ECPAS: variants seen among roughly 807,000 people sequenced by gnomAD.
ECPAS encodes Ecm29 proteasome adaptor and scaffold, also known as proteasome adapter and scaffold protein ECM29.
ECPAS carries 70 observed loss-of-function variants against 255.1 expected under a neutral mutation model. The ratio of observed to expected loss-of-function variants is 0.27; its 90% CI spans 0.23 to 0.33. ECPAS has a LOEUF of 0.33. Among genes scored for constraint, ECPAS ranks in the 10% least tolerant of loss-of-function variants. The pLI is 1.00. For missense variants in ECPAS, 1,817 were observed against 2,206.4 expected (o/e 0.82, Z 3.54); for synonymous variants, 784 against 775.0 (o/e 1.01, Z -0.19).
At chr9:111,462,583 A>T (rs2098274410) in intron 2 of ECPAS, among the ~76,000 whole-genome samples, 2 of 152,154 alleles carry the variant, frequency 1.3e-5, no homozygotes, top group Admixed American at 1.3e-4. Context: ...GTATCAATGT[A>T]GTTTTTAAAA....
chr9:111,405,100 T>C (rs979071069), intron 24 of ECPAS, among the ~76,000 whole-genome samples: 2 of 149,430 alleles, frequency 1.3e-5, no homozygotes, highest in African/African-American at 5.1e-5. Flanking sequence ...CCCTGAATAA[T>C]GAGCAAGAAA....
chr9:111,378,535 T>C (rs1281687466), intron 36 of ECPAS, 45 bp downstream of exon 36: 2 of 1,572,050 alleles, frequency 1.3e-6, no homozygotes, highest in African/African-American at 2.7e-5. Context: ...TTAACAGGGC[T>C]CTTCCCTCAT....
At chr9:111,370,247 A>G (rs947134156) in intron 45 of ECPAS, among the ~76,000 whole-genome samples, 188 bp downstream of exon 45, 1 of 152,194 alleles carries the variant, frequency 6.6e-6, no homozygotes, top group Non-Finnish European at 1.5e-5. Context: ...GAATACCTGA[A>G]CACTTTGTGA....
chr9:111,435,679 CT>C lies in ECPAS; in HGVS notation c.708+1260del, dbSNP rs1163482272. 3.9e-3 allele frequency among the ~76,000 whole-genome samples: 514 copies of C among 132,556 alleles called. 1 individual carries two copies. Among genetic ancestry groups the C allele is most frequent in the Middle Eastern group, 7.5e-3 (2 of 266 alleles). The allele number at this position is 132,556 out of a possible 152,430, so 87.0% of individuals were successfully genotyped here. On this transcript the variant is annotated intron_variant, in intron 7 of 49. Coordinates refer to ENST00000684092, the MANE Select transcript of ECPAS (RefSeq NM_001364929.1). ...TCAATAAAGAGTAGCTTCAGTAAATCTTTTTTTTTTTTTTTTTTGAGATGGA... is the reference window on the plus strand; with the variant it reads ...TCAATAAAGAGTAGCTTCAGTAAATCTTTTTTTTTTTTTTTTTGAGATGGA...
intron 3 of ECPAS, among the ~76,000 whole-genome samples, chr9:111,446,678 C>T (rs981346366): frequency 1.3e-5 from 2 of 152,166 alleles, no homozygotes; most frequent in African/African-American, 4.8e-5. Flanking sequence ...TTATCTAATA[C>T]GATTCTCACA....
chr9:111,451,197 T>G (rs2098259866), intron 3 of ECPAS, among the ~76,000 whole-genome samples: 1 of 152,208 alleles, frequency 6.6e-6, no homozygotes, highest in Admixed American at 6.5e-5. Flanking sequence ...CTCAATTATA[T>G]TATCTGACAC....
intron 1 of ECPAS, among the ~76,000 whole-genome samples, chr9:111,477,149 C>T (rs1320631292): frequency 6.6e-6 from 1 of 151,404 alleles, no homozygotes; most frequent in Non-Finnish European, 1.5e-5. Context: ...AGCTCTGTCA[C>T]CCAGGCTAGA....
rs898771740 is a variant in ECPAS at position 111,420,760 on chromosome 9, A to C, written c.1456-640T>G. On this transcript the variant is annotated intron_variant, in intron 15 of 49. Transcript: ENST00000684092. Reference sequence around the variant, plus strand: ...CCCCAGGTCACTCCTCTAGCCACAAACATAAGTGAAATAAGAGAGACATTA... The same window carrying C: ...CCCCAGGTCACTCCTCTAGCCACAACCATAAGTGAAATAAGAGAGACATTA... Among the ~76,000 whole-genome samples, 17 of 152,160 alleles carry C rather than the reference A, an allele frequency of 1.1e-4. No individual in the cohort carries two copies. In the East Asian group the frequency reaches 3.1e-3, roughly 28 times the overall value.
Position 111,404,186 on chromosome 9 carries a change from A to C in ECPAS, c.2652+4385T>G, listed in dbSNP as rs1172805412. 9.3e-5 allele frequency among the ~76,000 whole-genome samples: 14 copies of C among 149,802 alleles called. No individual in the cohort carries two copies. The East Asian group carries it at 2.8e-3, about 30-fold the overall frequency. On this transcript the variant is annotated intron_variant, in intron 24 of 49. Coordinates refer to ENST00000684092, the MANE Select transcript of ECPAS (RefSeq NM_001364929.1). ...TACAAAGACTTCAAATAAACAACATAATGATGCACTTTAAAGAACTAGAAA... is the reference window on the plus strand; with the variant it reads ...TACAAAGACTTCAAATAAACAACATCATGATGCACTTTAAAGAACTAGAAA...
At chr9:111,479,268 G>C (rs1184554895) in intron 1 of ECPAS, among the ~76,000 whole-genome samples, 2 of 152,162 alleles carry the variant, frequency 1.3e-5, no homozygotes, top group Non-Finnish European at 2.9e-5. Flanking sequence ...AAAAAAGATG[G>C]AGTAATAAGT....
At chr9:111,401,837 G>A (rs958045984) in intron 24 of ECPAS, among the ~76,000 whole-genome samples, 3 of 152,154 alleles carry the variant, frequency 2.0e-5, no homozygotes, top group African/African-American at 4.8e-5. Context: ...TATTCTGCCC[G>A]ACCCTGCAGG....
At position 111,370,746 on chromosome 9, in the gene ECPAS, A is replaced by G; in HGVS notation, c.4757T>C (p.Ile1586Thr). Residue 1586 changes from isoleucine (I) to threonine (T), a missense_variant, in exon 44 of 50, where the codon ATT becomes ACT. Coordinates refer to ENST00000684092, the MANE Select transcript of ECPAS (RefSeq NM_001364929.1). ...WAGKEELLKA[I>T]ACVVTACSAE... Reference sequence around the variant, plus strand: ...CCTGCAAGCTGTCACCACACAGGCAATGGCTTTCAATAGCTCCTCCTAAGG... The same window carrying G: ...CCTGCAAGCTGTCACCACACAGGCAGTGGCTTTCAATAGCTCCTCCTAAGG... 6.2e-7 allele frequency: 1 copy of G among 1,606,288 alleles called. No individual in the cohort carries two copies. The highest frequency in any genetic ancestry group is 8.5e-7 in the Non-Finnish European group (1 of 1,176,284).
rs2098260057 is a variant in ECPAS at position 111,451,372 on chromosome 9, T to C, written c.153+53A>G. ...TGGGAACAGAAAACTCACTTGATAA[T>C]GTATATTCATTTATTCATCATTTAA... is the stretch of plus-strand genomic sequence containing the variant. On this transcript the variant is annotated intron_variant, in intron 3 of 49. Transcript: ENST00000684092. 6 of 1,505,204 alleles carry C rather than the reference T, an allele frequency of 4.0e-6. No individual in the cohort carries two copies. In the South Asian group the frequency reaches 6.2e-5, roughly 16 times the overall value. The allele number at this position is 1,505,204 out of a possible 1,614,324, so 93.2% of individuals were successfully genotyped here. A position where few individuals can be genotyped will look rare whatever the true frequency, so the allele number is the denominator to read the frequency against.
chr9:111,456,749 A>G (rs1046197052), intron 2 of ECPAS, among the ~76,000 whole-genome samples: 3 of 152,148 alleles, frequency 2.0e-5, no homozygotes, highest in Non-Finnish European at 2.9e-5. Context: ...TTCACAGTCA[A>G]GCACTCATTC....
intron 7 of ECPAS, among the ~76,000 whole-genome samples, chr9:111,434,685 G>A (rs952399490): frequency 3.3e-5 from 5 of 150,764 alleles, no homozygotes; most frequent in Admixed American, 3.3e-4. Flanking sequence ...TGCCTCCTGG[G>A]TTCAAGCAAT....
chr9:111,436,333 A>G (rs1434458395), intron 7 of ECPAS, among the ~76,000 whole-genome samples: 1 of 152,230 alleles, frequency 6.6e-6, no homozygotes, highest in Non-Finnish European at 1.5e-5. Context: ...CTGATGACAC[A>G]GACACAGTAA....
At chr9:111,414,064 A>G in intron 19 of ECPAS, 78 bp from the exon 20 acceptor site, 2 of 889,832 alleles carry the variant, frequency 2.2e-6, no homozygotes, top group South Asian at 1.8e-5. Flanking sequence ...CCTTTAAAGT[A>G]TAAGGCCACT....
chr9:111,377,917 C>G (rs567093622), intron 36 of ECPAS, among the ~76,000 whole-genome samples: 1 of 152,100 alleles, frequency 6.6e-6, no homozygotes, highest in African/African-American at 2.4e-5. Context: ...GAGGCTGAGG[C>G]GGGTGGATCA....
At chr9:111,420,844 T>A (rs1231472000) in intron 15 of ECPAS, among the ~76,000 whole-genome samples, 1 of 152,202 alleles carries the variant, frequency 6.6e-6, no homozygotes, top group Non-Finnish European at 1.5e-5. Flanking sequence ...GTCCTTGAAC[T>A]ACATTAAAGA....
Sources: gnomAD v4.1 joint callset for allele counts (sites outside exome capture counted in the v4.1 genomes callset) on GRCh38, gnomAD v4.1.1 for gene constraint, MANE v1.5 for transcripts, NCBI Gene and HGNC (gene_info 2026-07-23, HGNC 2026-07-21) for gene names.